Variants in TMEM132B observed in about 807,000 individuals in gnomAD.
TMEM132B encodes transmembrane protein 132B.
Under a neutral mutation model 90.8 loss-of-function variants are expected in TMEM132B, and 18 were observed. The observed-to-expected ratio is 0.20, with a 90% confidence interval of 0.14 to 0.29. The LOEUF is 0.29. TMEM132B is among the 10% of genes least tolerant of loss of function. The pLI, the probability that TMEM132B is intolerant of heterozygous loss-of-function variation, is 1.00. For missense variants in TMEM132B, 1,096 were observed against 1,326.8 expected, an observed-to-expected ratio of 0.83 and a Z score of 2.70; for synonymous variants, 504 against 523.3, an observed-to-expected ratio of 0.96 and a Z score of 0.50.
At chr12:125,273,807 A>C (rs557367607) in intron 1 of TMEM132B, among the ~76,000 whole-genome samples, 1 of 152,296 alleles carries the variant, frequency 6.6e-6, no homozygotes, top group Admixed American at 6.5e-5. Flanking sequence ...CCTGGATTAC[A>C]GGCACATACC....
chr12:125,405,566 C>T (rs1053954116), intron 2 of TMEM132B, among the ~76,000 whole-genome samples: 11 of 152,126 alleles, frequency 7.2e-5, no homozygotes, highest in African/African-American at 2.2e-4. Flanking sequence ...AAAGCCAGGA[C>T]CTGAACCTGG....
intron 1 of TMEM132B, among the ~76,000 whole-genome samples, chr12:125,282,825 T>C (rs938951855): frequency 4.6e-5 from 7 of 152,130 alleles, no homozygotes; most frequent in Admixed American, 3.3e-4. Flanking sequence ...GAGCTCTGGG[T>C]GCATAGTAAG....
chr12:125,404,107 A>T (rs1879396582), intron 2 of TMEM132B, among the ~76,000 whole-genome samples: 2 of 152,192 alleles, frequency 1.3e-5, no homozygotes, highest in Admixed American at 6.5e-5. Flanking sequence ...TGGAGGTAAC[A>T]TTTGAACGTC....
chr12:125,223,052 G>A (rs987915389), intron 1 of TMEM132B, among the ~76,000 whole-genome samples: 2 of 152,224 alleles, frequency 1.3e-5, no homozygotes, highest in East Asian at 3.8e-4. Context: ...TCAGGAAGTC[G>A]ATGAAAGTGA....
intron 3 of TMEM132B, among the ~76,000 whole-genome samples, chr12:125,514,263 T>A (rs547970757): frequency 6.6e-6 from 1 of 152,204 alleles, no homozygotes; most frequent in African/African-American, 2.4e-5. Flanking sequence ...GTTCAAAGAA[T>A]TAAACAAATA....
At chr12:125,390,503 G>A (rs969606071) in intron 2 of TMEM132B, among the ~76,000 whole-genome samples, 3 of 152,224 alleles carry the variant, frequency 2.0e-5, no homozygotes, top group Non-Finnish European at 4.4e-5. Flanking sequence ...AGGTGAAGCT[G>A]AGTTCTCCAC....
At position 125,204,325 on chromosome 12, in the gene TMEM132B, C is replaced by T. The variant is rs1176076731; in HGVS notation, c.67+17459C>T. ...AGGGCTCCGTGTGCCAGGCAGGGTG[C>T]TTAGCCCTTTGTGTGGAATATCTCG... On this transcript the variant is annotated intron_variant, in intron 1 of 8. Coordinates refer to ENST00000682704, the MANE Select transcript of TMEM132B (RefSeq NM_001366854.1). 6.8e-4 allele frequency among the ~76,000 whole-genome samples: 89 copies of T among 130,064 alleles called. 2 individuals carry two copies. Among genetic ancestry groups the T allele is most frequent in the African/African-American group, 2.2e-3 (86 of 39,372 alleles). The allele number at this position is 130,064 out of a possible 152,430, so 85.3% of individuals were successfully genotyped here.
chr12:125,224,891 T>C (rs189414982), intron 1 of TMEM132B, among the ~76,000 whole-genome samples: 27 of 152,342 alleles, frequency 1.8e-4, no homozygotes, highest in African/African-American at 6.3e-4. Flanking sequence ...AAGACCACAA[T>C]ACCTAAACAT....
At chr12:125,519,689 G>A in intron 4 of TMEM132B, 64 bp downstream of exon 4, 1 of 1,515,182 alleles carries the variant, frequency 6.6e-7, no homozygotes, top group Non-Finnish European at 9.1e-7. Flanking sequence ...ATGATGCACT[G>A]TATAATCTGT....
intron 1 of TMEM132B, among the ~76,000 whole-genome samples, chr12:125,299,756 C>T (rs898502388): frequency 6.6e-6 from 1 of 152,234 alleles, no homozygotes; most frequent in Non-Finnish European, 1.5e-5. Flanking sequence ...GGCTCTTCCT[C>T]CAAAGGATGC....
At chr12:125,390,234 C>T (rs1238252826) in intron 2 of TMEM132B, among the ~76,000 whole-genome samples, 1 of 152,224 alleles carries the variant, frequency 6.6e-6, no homozygotes, top group Non-Finnish European at 1.5e-5. Flanking sequence ...CTGGAACAAC[C>T]CAAGTGTCCA....
At chr12:125,287,891 A>G (rs187058545) in intron 1 of TMEM132B, among the ~76,000 whole-genome samples, 232 of 152,042 alleles carry the variant, frequency 1.5e-3, no homozygotes, top group Middle Eastern at 0.01. Context: ...TTTTTGAGAC[A>G]GTGTCTCACT....
chr12:125,275,385 G>A (rs545796038), intron 1 of TMEM132B, among the ~76,000 whole-genome samples: 2 of 152,314 alleles, frequency 1.3e-5, no homozygotes, highest in East Asian at 3.9e-4. Flanking sequence ...GTTATTGGTA[G>A]CACCCATTAT....
At chr12:125,283,546 G>A (rs1370639240) in intron 1 of TMEM132B, among the ~76,000 whole-genome samples, 2 of 152,264 alleles carry the variant, frequency 1.3e-5, no homozygotes, top group East Asian at 1.9e-4. Flanking sequence ...AATCTGGCCC[G>A]GGAAACATGT....
Position 125,497,343 on chromosome 12 carries a change from G to A in TMEM132B, c.1107-22096G>A, listed in dbSNP as rs537322827. 6.6e-5 allele frequency among the ~76,000 whole-genome samples: 10 copies of A among 152,336 alleles called. No individual in the cohort carries two copies. In the South Asian group the frequency reaches 1.5e-3, roughly 22 times the overall value. ...AGCAATCTGGGATTTTCCTTTCATGGCCTGTGCTGGGTGTGGGGTTGGCAG... is the reference window on the plus strand; with the variant it reads ...AGCAATCTGGGATTTTCCTTTCATGACCTGTGCTGGGTGTGGGGTTGGCAG... On this transcript the variant is annotated intron_variant, in intron 3 of 8. Transcript: ENST00000682704.
chr12:125,533,410 C>T (rs902454192), intron 4 of TMEM132B, among the ~76,000 whole-genome samples: 8 of 152,194 alleles, frequency 5.3e-5, no homozygotes, highest in Non-Finnish European at 8.8e-5. Flanking sequence ...ACAGCCTCTC[C>T]CCTTCCCAGG....
chr12:125,362,168 C>T (rs541263804), intron 2 of TMEM132B, among the ~76,000 whole-genome samples: 35 of 152,266 alleles, frequency 2.3e-4, no homozygotes, highest in African/African-American at 7.9e-4. Flanking sequence ...TGGGGCATGA[C>T]CTTGGCTGAC....
At chr12:125,448,575 T>A (rs536961145) in intron 3 of TMEM132B, among the ~76,000 whole-genome samples, 122 of 152,330 alleles carry the variant, frequency 8.0e-4, no homozygotes, top group Middle Eastern at 3.4e-3. Context: ...ATTGTATAGA[T>A]ATAATTTATT....
chr12:125,421,212 A>G (rs1227316828), intron 3 of TMEM132B, among the ~76,000 whole-genome samples: 1 of 152,218 alleles, frequency 6.6e-6, no homozygotes. Flanking sequence ...GGGTATCTTT[A>G]TAATAGCACC....
Sources: allele counts gnomAD v4.1 joint callset (sites outside exome capture counted in the v4.1 genomes callset), GRCh38; gene constraint gnomAD v4.1.1; transcripts MANE v1.5; gene names NCBI Gene and HGNC (gene_info 2026-07-23, HGNC 2026-07-21).